LYST: variants seen among roughly 807,000 people sequenced by gnomAD.
LYST encodes lysosomal-trafficking regulator.
In LYST, 192 loss-of-function variants were observed where a neutral mutation model predicts 413.6. The ratio of observed to expected loss-of-function variants is 0.46; its 90% CI spans 0.41 to 0.52. The LOEUF is 0.52. LYST is among the 20% of genes least tolerant of loss of function. The pLI, the probability that LYST is intolerant of heterozygous loss-of-function variation, is 0.00. For synonymous variants in LYST, 1,525 were observed against 1,567.3 expected (o/e 0.97, Z 0.64); for missense variants, 3,815 against 4,499.9 (o/e 0.85, Z 4.35).
intron 52 of LYST, among the ~76,000 whole-genome samples, chr1:235,663,662 C>T (rs1439255591): frequency 6.6e-6 from 1 of 152,166 alleles, no homozygotes; most frequent in African/African-American, 2.4e-5. Context: ...TTTTGTCAAG[C>T]ACCCCTGCAG....
chr1:235,804,892 T>G (rs537200625), intron 6 of LYST, among the ~76,000 whole-genome samples: 73 of 152,308 alleles, frequency 4.8e-4, no homozygotes, highest in Admixed American at 4.3e-3. Flanking sequence ...TGGTTTTCAT[T>G]GCAGCATGGT....
At chr1:235,713,266 A>G in intron 42 of LYST, 1 of 847,104 alleles carries the variant, frequency 1.2e-6, no homozygotes, top group South Asian at 5.4e-5. Context: ...TAGTAGAAAA[A>G]GTTATCAATC....
At chr1:235,822,488 T>C (rs1468878084) in intron 3 of LYST, among the ~76,000 whole-genome samples, 1 of 152,170 alleles carries the variant, frequency 6.6e-6, no homozygotes, top group Non-Finnish European at 1.5e-5. Flanking sequence ...AGTTTCTCAA[T>C]CAAGAAGAGC....
At chr1:235,744,620 C>T (rs369248827) in intron 29 of LYST, among the ~76,000 whole-genome samples, 103 of 149,194 alleles carry the variant, frequency 6.9e-4, no homozygotes, top group African/African-American at 2.5e-3. Context: ...AAAAAAAATG[C>T]TGGGGACGAT....
At chr1:235,778,106 T>C (rs1367731015) in intron 16 of LYST, among the ~76,000 whole-genome samples, 1 of 144,720 alleles carries the variant, frequency 6.9e-6, no homozygotes, top group African/African-American at 2.7e-5. Flanking sequence ...TAAATATATA[T>C]ATATATATAT....
At chr1:235,669,523 T>C (rs192009075) in intron 50 of LYST, among the ~76,000 whole-genome samples, 2 of 152,348 alleles carry the variant, frequency 1.3e-5, no homozygotes, top group East Asian at 1.9e-4. Context: ...TAGCCTACGA[T>C]TGGTTGCAAA....
intron 41 of LYST, 43 bp downstream of exon 41, chr1:235,716,669 A>G: frequency 1.5e-6 from 2 of 1,292,790 alleles, no homozygotes; most frequent in South Asian, 1.2e-5. Context: ...AAAACAAAAC[A>G]CAATTTTTCA....
intron 21 of LYST, among the ~76,000 whole-genome samples, chr1:235,764,501 T>C (rs921429809): frequency 7.1e-6 from 1 of 140,990 alleles, no homozygotes; most frequent in South Asian, 2.4e-4. Flanking sequence ...TTTTCTTTTT[T>C]TTTTTTTTTT....
intron 3 of LYST, chr1:235,828,730 G>A (rs1675607092): frequency 1.1e-6 from 1 of 904,880 alleles, no homozygotes; most frequent in Non-Finnish European, 1.3e-6. Flanking sequence ...TTTTTTTATT[G>A]TGGGGAAGAA....
intron 3 of LYST, among the ~76,000 whole-genome samples, chr1:235,825,166 T>C (rs1482733691): frequency 6.6e-6 from 1 of 152,158 alleles, no homozygotes; most frequent in Non-Finnish European, 1.5e-5. Context: ...CCCTTCAGTA[T>C]AAAAACTCAA....
chr1:235,708,378 GAA>G (rs893331896), intron 44 of LYST, among the ~76,000 whole-genome samples: 15 of 152,172 alleles, frequency 9.9e-5, no homozygotes, highest in African/African-American at 3.4e-4. Context: ...ATAGTGTGCG[GAA>G]AAGAGTTAAC....
chr1:235,848,585 A>G (rs1678162684), intron 1 of LYST, among the ~76,000 whole-genome samples: 1 of 152,162 alleles, frequency 6.6e-6, no homozygotes, highest in Non-Finnish European at 1.5e-5. Flanking sequence ...AATGAAACAA[A>G]AAGCTGGTTC....
chr1:235,875,188 A>T (rs1417044193), intron 1 of LYST, among the ~76,000 whole-genome samples: 1 of 152,340 alleles, frequency 6.6e-6, no homozygotes, highest in South Asian at 2.1e-4. Flanking sequence ...CAATGCCACA[A>T]TTCAGGGAGG....
chr1:235,730,624 C>A, intron 36 of LYST, among the ~76,000 whole-genome samples: 1 of 145,876 alleles, frequency 6.9e-6, no homozygotes, highest in Non-Finnish European at 1.5e-5. Context: ...TATATGTAAA[C>A]TAACAAGGGC....
Position 235,720,173 on chromosome 1 carries a change from CAAAAAAAAAAAAAAA to C in LYST, c.9560+473_9560+487del, listed in dbSNP as rs71576484. On this transcript the variant is annotated intron_variant, in intron 40 of 52. Coordinates refer to ENST00000389793, the MANE Select transcript of LYST (RefSeq NM_000081.4). ...CTGGTGACAGAGTGAGACTCTGTCT[CAAAAAAAAAAAAAAA>C]AAAAAAAAAAAAAAGGCTATTCTAG... is the stretch of plus-strand genomic sequence containing the variant. Among the ~76,000 whole-genome samples, 3 of 9,474 alleles carry C rather than the reference CAAAAAAAAAAAAAAA, an allele frequency of 3.2e-4. No homozygotes were observed. In the East Asian group the frequency reaches 0.01, roughly 33 times the overall value. 6.2% of individuals were successfully genotyped at this position (9,474 alleles called of 152,430 possible). A position where few individuals can be genotyped will look rare whatever the true frequency, so the allele number is the denominator to read the frequency against.
At chr1:235,743,164 T>C (rs905524574) in intron 30 of LYST, among the ~76,000 whole-genome samples, 1 of 152,188 alleles carries the variant, frequency 6.6e-6, no homozygotes, top group Admixed American at 6.5e-5. Flanking sequence ...TCCCTAACAA[T>C]TAACCAATTG....
chr1:235,841,267 A>G (rs149324134), intron 1 of LYST, among the ~76,000 whole-genome samples: 27 of 152,364 alleles, frequency 1.8e-4, no homozygotes, highest in African/African-American at 6.3e-4. Flanking sequence ...ATTAGAAAAG[A>G]AAAACAGAAA....
upstream of LYST, among the ~76,000 whole-genome samples, chr1:235,869,118 C>T (rs1236764791): frequency 6.6e-6 from 1 of 152,018 alleles, no homozygotes; most frequent in Non-Finnish European, 1.5e-5. Context: ...GGAACACACA[C>T]AAAATGTGTA....
intron 3 of LYST, among the ~76,000 whole-genome samples, chr1:235,821,712 T>G (rs1322245850): frequency 1.3e-5 from 2 of 152,230 alleles, no homozygotes; most frequent in African/African-American, 4.8e-5. Context: ...ATTCTTCTGT[T>G]TAACAACCCT....
Sources: allele counts gnomAD v4.1 joint callset (sites outside exome capture counted in the v4.1 genomes callset), GRCh38; gene constraint gnomAD v4.1.1; transcripts MANE v1.5; gene names NCBI Gene and HGNC (gene_info 2026-07-23, HGNC 2026-07-21).